Variants in DPP10 observed in about 807,000 individuals in gnomAD.
DPP10 encodes dipeptidyl peptidase like 10.
In DPP10, 33 loss-of-function variants were observed where a neutral mutation model predicts 120.9. The ratio of observed to expected loss-of-function variants is 0.27; its 90% CI spans 0.21 to 0.37. The LOEUF is 0.37. Ranked by LOEUF, DPP10 falls within the 10% of genes least tolerant of loss-of-function variation. The pLI, the probability that DPP10 is intolerant of heterozygous loss-of-function variation, is 1.00. For missense variants in DPP10, 816 were observed against 942.8 expected (o/e 0.87, Z 1.76); for synonymous variants, 337 against 326.1 (o/e 1.03, Z -0.36).
intron 1 of DPP10, among the ~76,000 whole-genome samples, chr2:114,888,298 G>C (rs193278596): frequency 1.3e-5 from 2 of 152,222 alleles, no homozygotes; most frequent in African/African-American, 4.8e-5. Context: ...CAAATGTGTT[G>C]ATTAACTGAT....
chr2:115,312,797 C>G (rs1006252851), intron 2 of DPP10, among the ~76,000 whole-genome samples: 4 of 152,074 alleles, frequency 2.6e-5, no homozygotes, highest in African/African-American at 9.7e-5. Context: ...TAAGTAAAAC[C>G]AGTCAAGCAG....
At chr2:114,594,565 A>G (rs1337217358) in intron 1 of DPP10, among the ~76,000 whole-genome samples, 1 of 147,276 alleles carries the variant, frequency 6.8e-6, no homozygotes, top group Non-Finnish European at 1.5e-5. Context: ...TATTATGTAT[A>G]CATATATACA....
At chr2:114,957,785 A>G (rs1698325019) in intron 1 of DPP10, among the ~76,000 whole-genome samples, 1 of 152,240 alleles carries the variant, frequency 6.6e-6, no homozygotes, top group South Asian at 2.1e-4. Context: ...AAAAAGAAGG[A>G]AATTCTGCTA....
At chr2:114,751,176 G>A (rs1679183241) in intron 1 of DPP10, among the ~76,000 whole-genome samples, 1 of 152,182 alleles carries the variant, frequency 6.6e-6, no homozygotes, top group Non-Finnish European at 1.5e-5. Flanking sequence ...ATCCCACTGG[G>A]AGAGACACTT....
chr2:115,614,248 G>A (rs925578075), intron 5 of DPP10, among the ~76,000 whole-genome samples: 2 of 152,148 alleles, frequency 1.3e-5, no homozygotes, highest in Non-Finnish European at 2.9e-5. Flanking sequence ...TGATAATATC[G>A]TAGGTGGGAT....
intron 1 of DPP10, among the ~76,000 whole-genome samples, chr2:115,261,403 C>T (rs1439306293): frequency 1.3e-5 from 2 of 152,142 alleles, no homozygotes; most frequent in African/African-American, 2.4e-5. Context: ...TGAAGAAATA[C>T]GGTTTAGTGA....
At chr2:114,810,925 G>A (rs1685119356) in intron 1 of DPP10, among the ~76,000 whole-genome samples, 2 of 152,102 alleles carry the variant, frequency 1.3e-5, no homozygotes, top group Non-Finnish European at 2.9e-5. Flanking sequence ...TAACACAGAG[G>A]CACAACAGAA....
At chr2:115,463,816 T>A (rs186968312) in intron 3 of DPP10, among the ~76,000 whole-genome samples, 2 of 152,280 alleles carry the variant, frequency 1.3e-5, no homozygotes, top group African/African-American at 4.8e-5. Flanking sequence ...AGGGTTGACT[T>A]CCTAACCTCT....
At position 115,155,594 on chromosome 2, in the gene DPP10, G is replaced by A. The variant is rs994585000; in HGVS notation, c.61-153645G>A. On this transcript the variant is annotated intron_variant, in intron 1 of 25. Coordinates refer to ENST00000410059, the MANE Select transcript of DPP10 (RefSeq NM_020868.6). The stretch of plus-strand genomic sequence containing the variant: ...TTCCTCCTCCTCCTCTGATGCTTAC[G>A]GTCTAATTGTTAAGTGTAACAAATG... Among the ~76,000 whole-genome samples the A allele has an allele frequency of 9.2e-5, 14 of 152,238 alleles. No individual in the cohort carries two copies. The South Asian group carries it at 1.5e-3, about 16-fold the overall frequency.
intron 5 of DPP10, among the ~76,000 whole-genome samples, chr2:115,617,289 T>TATATATAC (rs67359999): frequency 0.05 from 6,845 of 136,252 alleles, 353 homozygotes; most frequent in African/African-American, 0.12. Context: ...TATATATATA[T>TATATATAC]ACACACATAG....
chr2:114,580,888 C>G (rs113649286), intron 1 of DPP10, among the ~76,000 whole-genome samples: 1,867 of 152,208 alleles, frequency 0.012, 44 homozygotes, highest in African/African-American at 0.042. Flanking sequence ...TCACTGCCAT[C>G]TCAGCTGGCC....
At chr2:115,102,745 G>GAA (rs142127691) in intron 1 of DPP10, among the ~76,000 whole-genome samples, 1 of 141,416 alleles carries the variant, frequency 7.1e-6, no homozygotes. Context: ...TTCATTGACT[G>GAA]AAAAAAAAAA....
At chr2:115,447,344 G>A (rs2072700671) in intron 3 of DPP10, among the ~76,000 whole-genome samples, 1 of 152,102 alleles carries the variant, frequency 6.6e-6, no homozygotes, top group Non-Finnish European at 1.5e-5. Context: ...GACTTGCTCT[G>A]TCTCAGATGA....
intron 1 of DPP10, among the ~76,000 whole-genome samples, chr2:114,545,762 A>G (rs1573617429): frequency 1.3e-5 from 2 of 152,190 alleles, no homozygotes; most frequent in East Asian, 3.9e-4. Flanking sequence ...GCTACTGCTG[A>G]TTATTATAAT....
intron 3 of DPP10, among the ~76,000 whole-genome samples, chr2:115,483,671 ACT>A (rs1255087011): frequency 6.6e-6 from 1 of 151,994 alleles, no homozygotes; most frequent in African/African-American, 2.4e-5. Flanking sequence ...TAAAAAATGT[ACT>A]CTCCACATTC....
chr2:115,613,208 T>C (rs1211729564), intron 5 of DPP10, among the ~76,000 whole-genome samples: 1 of 152,142 alleles, frequency 6.6e-6, no homozygotes, highest in African/African-American at 2.4e-5. Context: ...CTTCATTTAT[T>C]GGATGTTCTT....
At chr2:114,605,785 A>C (rs1461946053) in intron 1 of DPP10, among the ~76,000 whole-genome samples, 13 of 152,162 alleles carry the variant, frequency 8.5e-5, no homozygotes, top group Non-Finnish European at 1.5e-5. Flanking sequence ...GAATGAATAC[A>C]TTAAGGAATA....
chr2:115,125,014 G>A (rs539354820), intron 1 of DPP10, among the ~76,000 whole-genome samples: 31 of 152,256 alleles, frequency 2.0e-4, no homozygotes, highest in Admixed American at 1.2e-3. Flanking sequence ...GCTATAAAAA[G>A]AGCCTTTCTC....
intron 1 of DPP10, among the ~76,000 whole-genome samples, chr2:114,836,236 A>G (rs911698110): frequency 1.3e-5 from 2 of 152,082 alleles, no homozygotes; most frequent in African/African-American, 4.8e-5. Flanking sequence ...TTTGTGACCC[A>G]TGTGTATTCT....
Sources: gnomAD v4.1 joint callset for allele counts (sites outside exome capture counted in the v4.1 genomes callset) on GRCh38, gnomAD v4.1.1 for gene constraint, MANE v1.5 for transcripts, NCBI Gene and HGNC (gene_info 2026-07-23, HGNC 2026-07-21) for gene names.